Variants in KMT2E observed in about 807,000 individuals in gnomAD.
The protein encoded by KMT2E is lysine methyltransferase 2E (inactive).
A neutral mutation model predicts 184.6 loss-of-function variants in KMT2E; 30 were observed. The ratio of observed to expected loss-of-function variants is 0.16; its 90% confidence interval spans 0.12 to 0.22. The LOEUF (loss-of-function observed/expected upper bound fraction) is 0.22. Ranked by LOEUF, KMT2E falls within the 10% of genes least tolerant of loss-of-function variation. The pLI is 1.00. For missense variants in KMT2E, 2,023 were observed against 2,237.4 expected, an observed-to-expected ratio of 0.90 and a Z score of 1.93; for synonymous variants, 815 against 776.5, an observed-to-expected ratio of 1.05 and a Z score of -0.82.
chr7:105,031,647 G>C (rs1584700236), intron 1 of KMT2E, among the ~76,000 whole-genome samples: 1 of 151,998 alleles, frequency 6.6e-6, no homozygotes, highest in Non-Finnish European at 1.5e-5. Context: ...ACCTAATTGG[G>C]AGGCTGAGGC....
intron 13 of KMT2E, 40 bp downstream of exon 13, chr7:105,081,837 T>C: frequency 1.2e-6 from 1 of 829,474 alleles, no homozygotes; most frequent in Non-Finnish European, 2.0e-6. Flanking sequence ...TGTTTGAAAA[T>C]AGTTCCATAA....
intron 9 of KMT2E, 29 bp from the exon 10 acceptor site, chr7:105,076,934 A>C (rs1217324287): frequency 2.1e-6 from 3 of 1,446,886 alleles, no homozygotes; most frequent in Admixed American, 1.7e-5. Flanking sequence ...CCGTAAGTCC[A>C]GATACTAAAG....
chr7:105,067,070 A>T (rs1220208338), intron 6 of KMT2E, among the ~76,000 whole-genome samples: 1 of 148,696 alleles, frequency 6.7e-6, no homozygotes, highest in African/African-American at 2.5e-5. Context: ...TTTTTTTAAA[A>T]AAAAAAAAAA....
intron 16 of KMT2E, 111 bp from the exon 17 acceptor site, chr7:105,101,775 C>A: frequency 1.9e-6 from 2 of 1,038,086 alleles, no homozygotes; most frequent in Non-Finnish European, 2.7e-6. Context: ...TATTATATAT[C>A]AGAATTCAAA....
chr7:105,016,497 A>C (rs372564776), intron 1 of KMT2E, among the ~76,000 whole-genome samples: 1 of 152,208 alleles, frequency 6.6e-6, no homozygotes, highest in Admixed American at 6.5e-5. Flanking sequence ...ACATTACCAT[A>C]ATAGGGTCTT....
In KMT2E at chr7:105,062,276, G is replaced by C. The variant is rs1796846071; in HGVS notation, c.184G>C (p.Ala62Pro). ...ACACAGTTACATTGGTTTGCCCTAT[G>C]CGGTAAGTGTTAAACACTTCTTTGA... Reference protein sequence around the residue: ...HSHSYIGLPYADHNYGARPPP... With the variant: ...HSHSYIGLPYPDHNYGARPPP... The change falls in exon 4 of 27, where the codon GCG becomes CCG. Residue 62 changes from alanine to proline, a missense_variant and splice_region_variant. Around this residue, in one of 8 missense-constraint regions of KMT2E, gnomAD observed 1 missense variants for 21.6 expected, o/e 0.05. Coordinates refer to ENST00000311117, the MANE Select transcript of KMT2E (RefSeq NM_182931.3). 1 of 1,600,822 alleles carries C rather than the reference G, an allele frequency of 6.2e-7. No individual in the cohort carries two copies. Among genetic ancestry groups the C allele is most frequent in the Non-Finnish European group, 8.6e-7 (1 of 1,169,346 alleles).
chr7:105,066,190 G>T (rs79656054), intron 5 of KMT2E, among the ~76,000 whole-genome samples: 2,939 of 151,962 alleles, frequency 0.019, 98 homozygotes, highest in African/African-American at 0.065. Context: ...ATTTACACAT[G>T]TCTGCACATT....
chr7:105,112,167 T>C lies in KMT2E; in HGVS notation c.4411T>C (p.Ser1471Pro). 6.2e-7 allele frequency: 1 copy of C among 1,614,096 alleles called. No individual in the cohort carries two copies. The change falls in exon 27 of 27, where the codon TCA (serine) becomes CCA (proline). Residue 1471 changes from serine to proline, a missense_variant. Around this residue, in one of 8 missense-constraint regions of KMT2E, gnomAD observed 1,108 missense variants for 1,050.9 expected, o/e 1.05. Coordinates refer to ENST00000311117, the MANE Select transcript of KMT2E (RefSeq NM_182931.3). ...TGGTTATCTTTCACCAAAGCCTCCT[T>C]CACAGCAGTTAGGATCTCCCTACAG... The part of the protein sequence containing the change: ...QHGYLSPKPP[S>P]QQLGSPYRPH...
At chr7:105,095,227 A>T (rs1798354739) in intron 15 of KMT2E, among the ~76,000 whole-genome samples, 1 of 152,192 alleles carries the variant, frequency 6.6e-6, no homozygotes, top group Admixed American at 6.5e-5. Context: ...CTGGAGAGAG[A>T]TCAGATTGTC....
At position 105,112,229 on chromosome 7, in the gene KMT2E, T is replaced by A; in HGVS notation, c.4473T>A (p.Pro1491=). 1 of 1,614,112 alleles carries A rather than the reference T, an allele frequency of 6.2e-7. No homozygotes were observed. ...CACAGTCACCTCAAGTTGGAACACC[T>A]CAGCGAGAGCCTCAAAGAAACTTTT... ...HHSQSPQVGT[P]QREPQRNFYP... The change falls in exon 27 of 27, where the codon CCT becomes CCA. Residue 1491 remains proline (P), a synonymous_variant. Coordinates refer to ENST00000311117, the MANE Select transcript of KMT2E (RefSeq NM_182931.3).
At chr7:105,098,523 A>C (rs1319910291) in intron 15 of KMT2E, among the ~76,000 whole-genome samples, 1 of 152,094 alleles carries the variant, frequency 6.6e-6, no homozygotes, top group East Asian at 1.9e-4. Context: ...CTCCTGCCTC[A>C]ACCTCCTGAG....
chr7:105,080,107 T>A (rs1241132801), intron 12 of KMT2E, among the ~76,000 whole-genome samples: 1 of 151,324 alleles, frequency 6.6e-6, no homozygotes, highest in African/African-American at 2.4e-5. Context: ...TCGGCCTCCC[T>A]AAATGCTAGG....
intron 1 of KMT2E, among the ~76,000 whole-genome samples, chr7:105,037,685 G>T (rs1212831338): frequency 6.6e-6 from 1 of 152,030 alleles, no homozygotes; most frequent in African/African-American, 2.4e-5. Flanking sequence ...TTTTAACACG[G>T]TCTTAAAGGC....
chr7:105,038,995 G>C (rs1795777595), intron 2 of KMT2E, among the ~76,000 whole-genome samples: 1 of 152,092 alleles, frequency 6.6e-6, no homozygotes. Context: ...TTGTCCTGAG[G>C]ATAAGCTTCT....
chr7:105,045,274 A>G (rs1026688222), intron 3 of KMT2E, among the ~76,000 whole-genome samples: 26 of 152,336 alleles, frequency 1.7e-4, no homozygotes, highest in Non-Finnish European at 3.7e-4. Context: ...CTTTGGCTTT[A>G]GTGAAAATAT....
chr7:105,106,017 T>G lies in KMT2E; in HGVS notation c.2596+14T>G. The G allele has an allele frequency of 6.3e-7, 1 of 1,596,816 alleles. No homozygotes were observed. The highest frequency in any genetic ancestry group is 8.5e-7 in the Non-Finnish European group (1 of 1,175,120). On this transcript the variant is annotated intron_variant, in intron 19 of 26. Transcript: ENST00000311117. ...GTTCCCTTCCAGGTAGAATTTTTTT[T>G]TCAGAGTTTTGGTTTGAGAAATGTG...
At chr7:105,073,559 C>T in intron 6 of KMT2E, 60 bp from the exon 7 acceptor site, 1 of 1,053,140 alleles carries the variant, frequency 9.5e-7, no homozygotes, top group Non-Finnish European at 1.5e-6. Flanking sequence ...AAGTTTATCA[C>T]ATTTAAGACA....
intron 3 of KMT2E, among the ~76,000 whole-genome samples, chr7:105,060,211 TC>T (rs1796758384): frequency 6.6e-6 from 1 of 151,732 alleles, no homozygotes; most frequent in Admixed American, 6.6e-5. Context: ...GCCAGGCTGG[TC>T]TTGAACTCCT....
chr7:105,041,727 G>T (rs1368589027), intron 3 of KMT2E, among the ~76,000 whole-genome samples: 1 of 152,072 alleles, frequency 6.6e-6, no homozygotes, highest in Non-Finnish European at 1.5e-5. Context: ...GTTTGAATTT[G>T]TATAATTGAA....
Sources: allele counts gnomAD v4.1 joint callset (sites outside exome capture counted in the v4.1 genomes callset), GRCh38; gene constraint gnomAD v4.1.1; regional missense constraint gnomAD v4.1.1; transcripts MANE v1.5; gene names NCBI Gene and HGNC (gene_info 2026-07-23, HGNC 2026-07-21).